Variants in NCKAP5 observed in about 807,000 individuals in gnomAD.
The protein encoded by NCKAP5 is nck-associated protein 5.
A neutral mutation model predicts 167.0 loss-of-function variants in NCKAP5; 92 were observed. The observed-to-expected ratio is 0.55, with a 90% CI of 0.47 to 0.66. The LOEUF (loss-of-function observed/expected upper bound fraction) is 0.66. NCKAP5 is among the 30% of genes least tolerant of loss of function. The pLI, the probability that NCKAP5 is intolerant of heterozygous loss-of-function variation, is 0.00. For synonymous variants in NCKAP5, 891 were observed against 877.4 expected (o/e 1.02, Z -0.27); for missense variants, 2,378 against 2,315.0 (o/e 1.03, Z -0.56).
At chr2:133,312,476 GAACA>G (rs1192623438) in intron 3 of NCKAP5, among the ~76,000 whole-genome samples, 1 of 152,160 alleles carries the variant, frequency 6.6e-6, no homozygotes, top group Non-Finnish European at 1.5e-5. Flanking sequence ...TTCTTGGGGT[GAACA>G]CGTGCCTGAG....
At chr2:133,433,807 T>A (rs1690306948) in intron 3 of NCKAP5, 1 of 152,116 alleles carries the variant, frequency 6.6e-6, no homozygotes, top group African/African-American at 2.4e-5. Flanking sequence ...AATAACTGAG[T>A]AATAGAATAA....
Position 132,732,021 on chromosome 2 carries a change from C to A in NCKAP5, c.5159G>T (p.Ser1720Ile). The A allele has an allele frequency of 6.2e-7, 1 of 1,613,418 alleles. No individual in the cohort carries two copies. The highest frequency in any genetic ancestry group is 8.5e-7 in the Non-Finnish European group (1 of 1,179,620). Residue 1720 changes from serine (S) to isoleucine (I), a missense_variant, in exon 17 of 20, where the codon AGT (serine) becomes ATT (isoleucine). Transcript: ENST00000409261. Reference protein sequence around the residue: ...ESNCQMRTLDSGIGTFPLPDS... With the variant: ...ESNCQMRTLDIGIGTFPLPDS... The stretch of plus-strand genomic sequence containing the variant: ...TGGGAGTGGAAAGGTTCCGATCCCA[C>A]TGTCCAATGTTCTCATCTGGCAGTT...
chr2:132,816,885 C>G (rs1407810174), intron 11 of NCKAP5, among the ~76,000 whole-genome samples: 6 of 152,184 alleles, frequency 3.9e-5, no homozygotes, highest in Non-Finnish European at 5.9e-5. Flanking sequence ...TTTCCTTTGC[C>G]ATAGCACTAT....
At chr2:133,383,803 C>A (rs1329689169) in intron 3 of NCKAP5, among the ~76,000 whole-genome samples, 1 of 152,204 alleles carries the variant, frequency 6.6e-6, no homozygotes, top group African/African-American at 2.4e-5. Flanking sequence ...ATTTGCATTT[C>A]TCTGATGGCC....
chr2:133,438,739 A>G (rs1418994178), intron 3 of NCKAP5, among the ~76,000 whole-genome samples: 1 of 152,202 alleles, frequency 6.6e-6, no homozygotes, highest in Non-Finnish European at 1.5e-5. Context: ...TATTAATAAT[A>G]ACTAGTATTA....
rs115749763 is a variant in NCKAP5, at chr2:132,891,812, G to A, written c.580-12896C>T. On this transcript the variant is annotated intron_variant, in intron 8 of 19. Coordinates refer to ENST00000409261, the MANE Select transcript of NCKAP5 (RefSeq NM_207363.3). ...CGAAGGCAAGAGGAGTGGTAAAGCA[G>A]ATCTATCTTCCTAGGAGGAGAGTAA... Among the ~76,000 whole-genome samples, 736 of 152,364 alleles carry A rather than the reference G, an allele frequency of 4.8e-3. 1 individual carries two copies. Among genetic ancestry groups the A allele is most frequent in the Non-Finnish European group, 8.2e-3 (560 of 68,036 alleles).
At position 133,410,461 on chromosome 2, in the gene NCKAP5, T is replaced by C. The variant is rs148487662; in HGVS notation, c.69+106997A>G. 1.5e-3 allele frequency among the ~76,000 whole-genome samples: 221 copies of C among 152,338 alleles called. 2 individuals carry two copies. Among genetic ancestry groups the C allele is most frequent in the African/African-American group, 5.0e-3 (208 of 41,586 alleles). ...TCCATATACTAAATGGGAATAATCA[T>C]ACTTACATCAAAGGGTTCTTAGGAA... On this transcript the variant is annotated intron_variant, in intron 3 of 19. Coordinates refer to ENST00000409261, the MANE Select transcript of NCKAP5 (RefSeq NM_207363.3).
chr2:133,308,498 G>C (rs2150597032), intron 3 of NCKAP5, among the ~76,000 whole-genome samples: 1 of 152,156 alleles, frequency 6.6e-6, no homozygotes, highest in East Asian at 1.9e-4. Flanking sequence ...GTGATTTTAA[G>C]ACATCCGTGC....
intron 6 of NCKAP5, among the ~76,000 whole-genome samples, chr2:133,015,712 A>G (rs2078309930): frequency 6.6e-6 from 1 of 152,220 alleles, no homozygotes; most frequent in African/African-American, 2.4e-5. Context: ...CTGAGATACA[A>G]GACCCAGTCT....
At chr2:133,417,740 G>T (rs1385209388) in intron 3 of NCKAP5, among the ~76,000 whole-genome samples, 1 of 152,112 alleles carries the variant, frequency 6.6e-6, no homozygotes, top group Non-Finnish European at 1.5e-5. Context: ...AATAGCCCTG[G>T]TATTATTTTG....
At chr2:133,237,763 G>A (rs897913370) in intron 4 of NCKAP5, among the ~76,000 whole-genome samples, 2 of 152,320 alleles carry the variant, frequency 1.3e-5, no homozygotes, top group African/African-American at 4.8e-5. Context: ...TCCTCCTGGG[G>A]ACACACTTTA....
At chr2:133,199,463 G>A (rs941088862) in intron 5 of NCKAP5, among the ~76,000 whole-genome samples, 4 of 151,938 alleles carry the variant, frequency 2.6e-5, no homozygotes, top group African/African-American at 9.7e-5. Flanking sequence ...TGGACAATAA[G>A]CACATGAAAA....
At chr2:132,740,405 T>G (rs1238119482) in intron 16 of NCKAP5, among the ~76,000 whole-genome samples, 2 of 152,080 alleles carry the variant, frequency 1.3e-5, no homozygotes, top group Non-Finnish European at 2.9e-5. Flanking sequence ...GGAAAACAGA[T>G]CTCTTTATTT....
chr2:133,502,036 T>G (rs895019973), intron 3 of NCKAP5, among the ~76,000 whole-genome samples: 1 of 152,198 alleles, frequency 6.6e-6, no homozygotes, highest in African/African-American at 2.4e-5. Flanking sequence ...GATCCTTGAG[T>G]GTCCGTTCGC....
chr2:132,968,811 C>A (rs1442663434), intron 7 of NCKAP5, among the ~76,000 whole-genome samples: 2 of 151,988 alleles, frequency 1.3e-5, no homozygotes, highest in African/African-American at 4.8e-5. Context: ...GGAAGGAAAT[C>A]TAAAGAACTG....
rs60051493 is a variant in NCKAP5, at chr2:133,558,704, C to CAAAAAAAAAAAAAAAAAAAAAA, written c.-62+324_-62+345dup. Among the ~76,000 whole-genome samples the CAAAAAAAAAAAAAAAAAAAAAA allele has an allele frequency of 2.4e-4, 12 of 50,868 alleles. 1 individual carries two copies. Among genetic ancestry groups the CAAAAAAAAAAAAAAAAAAAAAA allele is most frequent in the East Asian group, 7.3e-4 (1 of 1,378 alleles). The allele number at this position is 50,868 out of a possible 152,430, so 33.4% of individuals were successfully genotyped here. ...ACATAAACAGATGCAATGTGCTGAG[C>CAAAAAAAAAAAAAAAAAAAAAA]AAAAAAAAAAAAAAAAAAAAAAGCC... On this transcript the variant is annotated intron_variant, in intron 2 of 19. Coordinates refer to ENST00000409261, the MANE Select transcript of NCKAP5 (RefSeq NM_207363.3).
intron 2 of NCKAP5, among the ~76,000 whole-genome samples, chr2:133,547,528 T>A (rs1379262377): frequency 2.6e-5 from 4 of 151,898 alleles, no homozygotes; most frequent in African/African-American, 4.8e-5. Context: ...CAGCTGGAGA[T>A]CTGAGAACCG....
chr2:133,270,395 CG>C (rs1559338482), intron 4 of NCKAP5, among the ~76,000 whole-genome samples: 1 of 152,168 alleles, frequency 6.6e-6, no homozygotes, highest in East Asian at 1.9e-4. Context: ...GAAGCAGCTT[CG>C]GAAGTATCAC....
chr2:132,718,975 G>A (rs1323222692), intron 19 of NCKAP5, among the ~76,000 whole-genome samples: 1 of 152,172 alleles, frequency 6.6e-6, no homozygotes, highest in Non-Finnish European at 1.5e-5. Flanking sequence ...GCTGATGAAG[G>A]GGCATCCTGA....
Sources: gnomAD v4.1 joint callset for allele counts (sites outside exome capture counted in the v4.1 genomes callset) on GRCh38, gnomAD v4.1.1 for gene constraint, MANE v1.5 for transcripts, NCBI Gene and HGNC (gene_info 2026-07-23, HGNC 2026-07-21) for gene names.